The following PLXDC2 variants were observed in gnomAD, a reference collection of about 807,000 sequenced individuals.
PLXDC2 encodes plexin domain containing 2.
In PLXDC2, 40 loss-of-function variants were observed where a neutral mutation model predicts 68.9. The ratio of observed to expected loss-of-function variants is 0.58; its 90% CI spans 0.45 to 0.76. PLXDC2 has a LOEUF of 0.76. Among genes scored for constraint, PLXDC2 ranks in the 30% least tolerant of loss-of-function variants. PLXDC2 has a pLI of 0.00. For missense variants in PLXDC2, 644 were observed against 661.9 expected, an observed-to-expected ratio of 0.97 and a Z score of 0.30; for synonymous variants, 243 against 234.2, an observed-to-expected ratio of 1.04 and a Z score of -0.34.
chr10:20,089,077 G>A (rs1421095388), intron 4 of PLXDC2, among the ~76,000 whole-genome samples: 1 of 151,808 alleles, frequency 6.6e-6, no homozygotes, highest in African/African-American at 2.4e-5. Context: ...ACATGTCATG[G>A]ATCTTCAGAA....
At chr10:20,120,867 A>G (rs919844821) in intron 4 of PLXDC2, among the ~76,000 whole-genome samples, 12 of 152,318 alleles carry the variant, frequency 7.9e-5, no homozygotes, top group East Asian at 7.7e-4. Flanking sequence ...GTGCTATAGC[A>G]TAGCCTGCCT....
In PLXDC2 at chr10:19,938,886, A is replaced by T. The variant is rs1589546642; in HGVS notation, c.113-62889A>T. Among the ~76,000 whole-genome samples, 5 of 152,320 alleles carry T rather than the reference A, an allele frequency of 3.3e-5. No individual in the cohort carries two copies. In the Middle Eastern group the frequency reaches 0.014, roughly 414 times the overall value. Reference sequence around the variant, plus strand: ...AGAAACAGAAACCAAACAATCTGTAAGTAGTCTGTTGCAGTAGTCCAGAAA... The same window carrying T: ...AGAAACAGAAACCAAACAATCTGTATGTAGTCTGTTGCAGTAGTCCAGAAA... On this transcript the variant is annotated intron_variant, in intron 1 of 13. Transcript: ENST00000377252.
At chr10:20,119,618 T>C (rs560617708) in intron 4 of PLXDC2, among the ~76,000 whole-genome samples, 3 of 151,384 alleles carry the variant, frequency 2.0e-5, no homozygotes, top group Middle Eastern at 3.4e-3. Flanking sequence ...TGTCTTCTTA[T>C]ATTAATAAGA....
At chr10:20,148,028 C>T (rs1234314663) in intron 6 of PLXDC2, 126 bp downstream of exon 6, 4 of 679,948 alleles carry the variant, frequency 5.9e-6, no homozygotes, top group Non-Finnish European at 1.0e-5. Flanking sequence ...TCTTGGTTTC[C>T]TTTGCTTAAT....
intron 1 of PLXDC2, among the ~76,000 whole-genome samples, chr10:19,878,372 A>C (rs1837672335): frequency 6.6e-6 from 1 of 152,184 alleles, no homozygotes; most frequent in Admixed American, 6.6e-5. Context: ...AAATAAAATA[A>C]AATAAAAGCT....
At chr10:20,201,139 A>G (rs1317698506) in intron 9 of PLXDC2, among the ~76,000 whole-genome samples, 3 of 152,134 alleles carry the variant, frequency 2.0e-5, no homozygotes, top group Non-Finnish European at 2.9e-5. Flanking sequence ...CTCTCCAACA[A>G]CAGATCAATG....
chr10:20,119,904 A>G (rs1833673771), intron 4 of PLXDC2, among the ~76,000 whole-genome samples: 1 of 152,144 alleles, frequency 6.6e-6, no homozygotes, highest in Non-Finnish European at 1.5e-5. Context: ...AGAAGGAGAA[A>G]AACAGGTATT....
At chr10:19,965,161 G>A (rs957908417) in intron 1 of PLXDC2, among the ~76,000 whole-genome samples, 4 of 152,274 alleles carry the variant, frequency 2.6e-5, no homozygotes, top group Middle Eastern at 6.8e-3. Context: ...CCCTTTGCTT[G>A]AGGGTGCTAT....
At chr10:20,179,261 T>C (rs1834569871) in intron 9 of PLXDC2, among the ~76,000 whole-genome samples, 1 of 152,136 alleles carries the variant, frequency 6.6e-6, no homozygotes, top group Non-Finnish European at 1.5e-5. Context: ...GCATTTTGTG[T>C]AGGGCTTGCT....
At chr10:19,892,132 T>A (rs1158692127) in intron 1 of PLXDC2, among the ~76,000 whole-genome samples, 4 of 152,240 alleles carry the variant, frequency 2.6e-5, no homozygotes, top group East Asian at 3.8e-4. Context: ...ACTCAGTAGC[T>A]ACTTAATAAA....
intron 12 of PLXDC2, among the ~76,000 whole-genome samples, chr10:20,219,687 C>G (rs16920126): frequency 0.13 from 19,226 of 152,060 alleles, 1,541 homozygotes; most frequent in African/African-American, 0.22. Context: ...ACGATATTGG[C>G]TATGTTTTTA....
At chr10:20,031,321 A>G (rs1389403085) in intron 2 of PLXDC2, among the ~76,000 whole-genome samples, 1 of 152,004 alleles carries the variant, frequency 6.6e-6, no homozygotes, top group African/African-American at 2.4e-5. Flanking sequence ...AGTGAGACAC[A>G]ATTGTGCCAC....
chr10:20,242,981 G>A (rs1835537614), intron 12 of PLXDC2, among the ~76,000 whole-genome samples: 1 of 152,068 alleles, frequency 6.6e-6, no homozygotes, highest in African/African-American at 2.4e-5. Flanking sequence ...CAACGTGCTG[G>A]GATTACGGGC....
chr10:19,863,311 A>G (rs1438959437), intron 1 of PLXDC2, among the ~76,000 whole-genome samples: 2 of 152,146 alleles, frequency 1.3e-5, no homozygotes, highest in Non-Finnish European at 2.9e-5. Flanking sequence ...AACAATATTT[A>G]GTTCTGGGAA....
intron 3 of PLXDC2, among the ~76,000 whole-genome samples, chr10:20,066,371 A>G (rs555584267): frequency 6.6e-6 from 1 of 152,372 alleles, no homozygotes; most frequent in South Asian, 2.1e-4. Flanking sequence ...GATAGGGTTC[A>G]TTAGAGATAC....
chr10:20,247,848 A>G (rs1835621256), intron 13 of PLXDC2, among the ~76,000 whole-genome samples: 1 of 152,232 alleles, frequency 6.6e-6, no homozygotes, highest in Admixed American at 6.5e-5. Flanking sequence ...GAAATTTCAT[A>G]TAAAATGTAT....
intron 3 of PLXDC2, among the ~76,000 whole-genome samples, chr10:20,063,156 AT>A: frequency 6.6e-6 from 1 of 152,188 alleles, no homozygotes; most frequent in East Asian, 1.9e-4. Flanking sequence ...CTAATGATTA[AT>A]TTATCAATTC....
intron 13 of PLXDC2, among the ~76,000 whole-genome samples, chr10:20,260,784 A>G (rs1835799914): frequency 1.3e-5 from 2 of 152,174 alleles, no homozygotes; most frequent in Non-Finnish European, 2.9e-5. Flanking sequence ...GTTTTCCATA[A>G]CAGCTGTACC....
chr10:19,901,800 A>C (rs1048010814), intron 1 of PLXDC2, among the ~76,000 whole-genome samples: 4 of 152,116 alleles, frequency 2.6e-5, no homozygotes, highest in African/African-American at 9.7e-5. Context: ...GAATTTTTAT[A>C]GTTTCACGTC....
Sources: gnomAD v4.1 joint callset for allele counts (sites outside exome capture counted in the v4.1 genomes callset) on GRCh38, gnomAD v4.1.1 for gene constraint, MANE v1.5 for transcripts, NCBI Gene and HGNC (gene_info 2026-07-23, HGNC 2026-07-21) for gene names.